Variants in CPNE4 observed in about 807,000 individuals in gnomAD.
CPNE4 encodes the protein copine 4.
In CPNE4, 25 loss-of-function variants were observed where a neutral mutation model predicts 67.9. The ratio of observed to expected loss-of-function variants is 0.37; its 90% CI spans 0.27 to 0.51. The LOEUF is 0.51. Ranked by LOEUF, CPNE4 falls within the 20% of genes least tolerant of loss-of-function variation. The pLI is 0.93. For missense variants in CPNE4, 464 were observed against 690.8 expected (o/e 0.67, Z 3.68); for synonymous variants, 242 against 244.9 (o/e 0.99, Z 0.11).
intron 6 of CPNE4, among the ~76,000 whole-genome samples, chr3:131,675,960 T>G (rs1452493510): frequency 3.7e-5 from 4 of 109,460 alleles, no homozygotes; most frequent in South Asian, 5.9e-4. Flanking sequence ...ATTTATTGGG[T>G]TTTTTTTGGT....
chr3:131,772,032 G>A (rs749620999), intron 2 of CPNE4, among the ~76,000 whole-genome samples: 3 of 151,992 alleles, frequency 2.0e-5, no homozygotes, highest in South Asian at 4.1e-4. Context: ...GTATCCATTC[G>A]CAAATGAACA....
intron 1 of CPNE4, among the ~76,000 whole-genome samples, chr3:132,010,930 G>A (rs1467047986): frequency 6.6e-6 from 1 of 152,126 alleles, no homozygotes; most frequent in Admixed American, 6.6e-5. Context: ...ACCCCAGTAG[G>A]GGAGCACCAC....
At chr3:131,752,846 A>G (rs572145679) in intron 2 of CPNE4, among the ~76,000 whole-genome samples, 1 of 152,286 alleles carries the variant, frequency 6.6e-6, no homozygotes, top group Admixed American at 6.5e-5. Context: ...ATACGAATTT[A>G]GTGCAATTGT....
At chr3:131,823,877 C>A (rs952441890) in intron 2 of CPNE4, among the ~76,000 whole-genome samples, 11 of 152,110 alleles carry the variant, frequency 7.2e-5, no homozygotes, top group African/African-American at 2.4e-5. Context: ...AAACTTGTAA[C>A]CAGATTGTAA....
chr3:131,756,607 G>A (rs2082756149), intron 2 of CPNE4, among the ~76,000 whole-genome samples: 1 of 152,246 alleles, frequency 6.6e-6, no homozygotes, highest in Admixed American at 6.5e-5. Flanking sequence ...GATGGCAAGA[G>A]AGGATCACCC....
At chr3:131,745,926 G>T (rs1323299679) in intron 2 of CPNE4, among the ~76,000 whole-genome samples, 1 of 151,956 alleles carries the variant, frequency 6.6e-6, no homozygotes, top group Non-Finnish European at 1.5e-5. Flanking sequence ...AAAATATCTT[G>T]CTGGTATTTT....
chr3:131,546,150 G>A (rs1290213101), intron 14 of CPNE4, among the ~76,000 whole-genome samples: 1 of 152,166 alleles, frequency 6.6e-6, no homozygotes, highest in Non-Finnish European at 1.5e-5. Flanking sequence ...AAAGGGGTTT[G>A]TGGAACAATA....
intron 2 of CPNE4, among the ~76,000 whole-genome samples, chr3:131,748,108 A>T (rs2082536797): frequency 6.6e-6 from 1 of 151,686 alleles, no homozygotes; most frequent in Admixed American, 6.6e-5. Context: ...TGATCATGTG[A>T]TTTTCTTTTG....
intron 3 of CPNE4, among the ~76,000 whole-genome samples, chr3:131,715,464 T>TTATAC (rs2081660830): frequency 2.0e-5 from 3 of 152,240 alleles, no homozygotes; most frequent in Admixed American, 2.0e-4. Context: ...ATGGAAAAGA[T>TTATAC]TATACAGGGC....
At chr3:131,597,407 C>A (rs1938946607) in intron 7 of CPNE4, among the ~76,000 whole-genome samples, 1 of 152,054 alleles carries the variant, frequency 6.6e-6, no homozygotes, top group Non-Finnish European at 1.5e-5. Flanking sequence ...ATGTGTATAC[C>A]TATGTAACAA....
Position 131,801,415 on chromosome 3 carries a change from C to CGTGTGTATGT in CPNE4, c.181-77791_181-77790insACATACACAC, listed in dbSNP as rs1491403261. Among the ~76,000 whole-genome samples the CGTGTGTATGT allele has an allele frequency of 7.8e-3, 511 of 65,854 alleles. 13 individuals carry two copies. Among genetic ancestry groups the CGTGTGTATGT allele is most frequent in the Admixed American group, 0.016 (81 of 5,210 alleles). 43.2% of individuals were successfully genotyped at this position (65,854 alleles called of 152,430 possible). On this transcript the variant is annotated intron_variant, in intron 2 of 15. Transcript: ENST00000429747. ...ACATATATATATAGGTACATATATA[C>CGTGTGTATGT]GTGTGTGTGTGTGTGTGTGTGTGTG... is the stretch of plus-strand genomic sequence containing the variant.
intron 1 of CPNE4, among the ~76,000 whole-genome samples, chr3:131,993,466 G>A (rs1403543786): frequency 2.1e-4 from 4 of 19,152 alleles, no homozygotes; most frequent in African/African-American, 1.4e-3. Context: ...TCGTGTGCAG[G>A]AGTGGCAAAA....
At chr3:131,757,740 C>T (rs775071099) in intron 2 of CPNE4, among the ~76,000 whole-genome samples, 32 of 152,272 alleles carry the variant, frequency 2.1e-4, no homozygotes, top group Admixed American at 9.8e-4. Flanking sequence ...GGCCCAGAGG[C>T]CCAGGAGGAA....
chr3:131,739,279 A>C (rs2082307164), intron 2 of CPNE4, among the ~76,000 whole-genome samples: 1 of 152,128 alleles, frequency 6.6e-6, no homozygotes, highest in Admixed American at 6.5e-5. Context: ...CACCAGGTAC[A>C]GCTAGAGACA....
intron 7 of CPNE4, among the ~76,000 whole-genome samples, chr3:131,653,432 G>A (rs1001115032): frequency 2.0e-5 from 3 of 152,114 alleles, no homozygotes; most frequent in African/African-American, 7.2e-5. Flanking sequence ...ACAGGCGTGA[G>A]CCACCGCGCC....
At chr3:131,734,931 A>G (rs931174577) in intron 2 of CPNE4, among the ~76,000 whole-genome samples, 1 of 152,010 alleles carries the variant, frequency 6.6e-6, no homozygotes, top group East Asian at 1.9e-4. Context: ...AAATTTCTGT[A>G]ACTACTCTGG....
At chr3:131,857,188 C>T (rs144902815) in intron 2 of CPNE4, among the ~76,000 whole-genome samples, 1 of 152,130 alleles carries the variant, frequency 6.6e-6, no homozygotes, top group Admixed American at 6.6e-5. Context: ...TGTGCTAATA[C>T]TAGTGCAAGA....
chr3:131,609,400 C>T (rs1402228872), intron 7 of CPNE4, among the ~76,000 whole-genome samples: 1 of 152,112 alleles, frequency 6.6e-6, no homozygotes, highest in Non-Finnish European at 1.5e-5. Context: ...ATGTGTTTCA[C>T]CTCTGGACTA....
chr3:131,875,723 C>T (rs1365169730), intron 2 of CPNE4, among the ~76,000 whole-genome samples: 2 of 151,896 alleles, frequency 1.3e-5, no homozygotes, highest in Non-Finnish European at 1.5e-5. Context: ...GGAGATATAC[C>T]TAATGTTAAA....
Sources: gnomAD v4.1 joint callset for allele counts (sites outside exome capture counted in the v4.1 genomes callset) on GRCh38, gnomAD v4.1.1 for gene constraint, MANE v1.5 for transcripts, NCBI Gene and HGNC (gene_info 2026-07-23, HGNC 2026-07-21) for gene names.